The following CCSER1 variants were observed in gnomAD, a reference collection of about 807,000 sequenced individuals.
CCSER1 encodes serine-rich coiled-coil domain-containing protein 1.
Under a neutral mutation model 82.0 loss-of-function variants are expected in CCSER1, and 41 were observed. The observed-to-expected ratio is 0.50, with a 90% CI of 0.39 to 0.65. The LOEUF is 0.65. Among genes scored for constraint, CCSER1 ranks in the 30% least tolerant of loss-of-function variants. The pLI is 0.00. For missense variants in CCSER1, 1,119 were observed against 1,064.2 expected, an observed-to-expected ratio of 1.05 and a Z score of -0.72; for synonymous variants, 414 against 383.9, an observed-to-expected ratio of 1.08 and a Z score of -0.92.
chr4:91,146,847 AG>A (rs1729591709), intron 10 of CCSER1, among the ~76,000 whole-genome samples: 2 of 152,056 alleles, frequency 1.3e-5, no homozygotes, highest in Non-Finnish European at 2.9e-5. Context: ...GAGTAAGGGT[AG>A]GCTCTTAGCT....
intron 4 of CCSER1, among the ~76,000 whole-genome samples, chr4:90,430,754 T>A (rs1166189210): frequency 6.6e-6 from 1 of 151,894 alleles, no homozygotes; most frequent in African/African-American, 2.4e-5. Context: ...AGAAAAAAGT[T>A]GACAACAGAT....
intron 1 of CCSER1, among the ~76,000 whole-genome samples, chr4:90,188,936 G>A (rs753009357): frequency 6.6e-6 from 1 of 152,054 alleles, no homozygotes; most frequent in South Asian, 2.1e-4. Flanking sequence ...GTAACTAATG[G>A]CAAGAGAAGT....
intron 1 of CCSER1, among the ~76,000 whole-genome samples, chr4:90,288,724 A>G (rs964539468): frequency 6.6e-6 from 1 of 152,026 alleles, no homozygotes; most frequent in East Asian, 1.9e-4. Flanking sequence ...TCAATTCTCA[A>G]TTTTTATTTG....
intron 10 of CCSER1, among the ~76,000 whole-genome samples, chr4:91,442,380 G>T (rs1190959714): frequency 3.8e-4 from 58 of 151,420 alleles, no homozygotes; most frequent in African/African-American, 1.3e-3. Flanking sequence ...GAAAGGATTC[G>T]CTATTTAATA....
chr4:91,431,271 T>TA (rs892436199), intron 10 of CCSER1, among the ~76,000 whole-genome samples: 12 of 152,146 alleles, frequency 7.9e-5, no homozygotes, highest in Middle Eastern at 6.8e-3. Flanking sequence ...AAAACAAACA[T>TA]AAAAAATTGG....
At chr4:90,393,136 C>A (rs924562407) in intron 3 of CCSER1, among the ~76,000 whole-genome samples, 2 of 152,080 alleles carry the variant, frequency 1.3e-5, no homozygotes, top group Non-Finnish European at 2.9e-5. Flanking sequence ...CATTTTTTTG[C>A]AATTTATAAT....
chr4:91,123,323 C>T (rs1727246631), intron 10 of CCSER1, among the ~76,000 whole-genome samples: 1 of 151,518 alleles, frequency 6.6e-6, no homozygotes, highest in Non-Finnish European at 1.5e-5. Context: ...ATAAGAAATA[C>T]AAAAGAATCA....
At chr4:90,145,506 C>G (rs1489285967) in intron 1 of CCSER1, among the ~76,000 whole-genome samples, 1 of 152,114 alleles carries the variant, frequency 6.6e-6, no homozygotes, top group African/African-American at 2.4e-5. Flanking sequence ...TAGGCTTGGG[C>G]TGACTCACCG....
chr4:90,688,153 G>A (rs914470322), intron 6 of CCSER1, among the ~76,000 whole-genome samples: 9 of 152,116 alleles, frequency 5.9e-5, no homozygotes, highest in East Asian at 1.9e-4. Flanking sequence ...CCTAGGCCAC[G>A]TGTTAAGGAC....
chr4:90,946,316 A>G (rs1227391729), intron 9 of CCSER1, among the ~76,000 whole-genome samples: 3 of 152,210 alleles, frequency 2.0e-5, no homozygotes, highest in Non-Finnish European at 4.4e-5. Context: ...AAACTCAAGA[A>G]AGATTGTAAT....
At chr4:90,533,010 G>A (rs1037936995) in intron 5 of CCSER1, among the ~76,000 whole-genome samples, 1 of 151,474 alleles carries the variant, frequency 6.6e-6, no homozygotes, top group Admixed American at 6.6e-5. Context: ...CAGGGTTGAG[G>A]GTCTCCTATT....
chr4:90,719,427 C>T (rs145548290), intron 6 of CCSER1, among the ~76,000 whole-genome samples: 1 of 152,064 alleles, frequency 6.6e-6, no homozygotes, highest in African/African-American at 2.4e-5. Context: ...ATAGAAATAA[C>T]GTGCACAATA....
intron 10 of CCSER1, among the ~76,000 whole-genome samples, chr4:91,330,540 G>C (rs1195425599): frequency 6.6e-6 from 1 of 152,106 alleles, no homozygotes; most frequent in Non-Finnish European, 1.5e-5. Flanking sequence ...GCTGAGCTAA[G>C]TGAGGGCTTG....
intron 5 of CCSER1, among the ~76,000 whole-genome samples, chr4:90,597,022 T>C (rs1225409399): frequency 6.6e-6 from 1 of 152,112 alleles, no homozygotes; most frequent in African/African-American, 2.4e-5. Flanking sequence ...TTCTCAGTCA[T>C]GATTAGTTAG....
intron 10 of CCSER1, among the ~76,000 whole-genome samples, chr4:91,355,612 A>G (rs1428479233): frequency 6.6e-6 from 1 of 152,190 alleles, no homozygotes; most frequent in African/African-American, 2.4e-5. Flanking sequence ...GACGAAGGTT[A>G]GTTGACGTCC....
rs193273898 is a variant in CCSER1, at chr4:90,349,541, T to C, written c.1509+36494T>C. On this transcript the variant is annotated intron_variant, in intron 3 of 10. Coordinates refer to ENST00000509176, the MANE Select transcript of CCSER1 (RefSeq NM_001145065.2). ...TCAGAATGGCATGTTCTTATTTTTTTGTATTCCATTCACCTTGTATATACT... is the reference window on the plus strand; with the variant it reads ...TCAGAATGGCATGTTCTTATTTTTTCGTATTCCATTCACCTTGTATATACT... Among the ~76,000 whole-genome samples, 412 of 152,234 alleles carry C rather than the reference T, an allele frequency of 2.7e-3. 3 individuals carry two copies. Among genetic ancestry groups the C allele is most frequent in the African/African-American group, 9.4e-3 (389 of 41,572 alleles).
intron 3 of CCSER1, among the ~76,000 whole-genome samples, chr4:90,393,120 A>G (rs1751447724): frequency 6.6e-6 from 1 of 152,114 alleles, no homozygotes; most frequent in African/African-American, 2.4e-5. Context: ...TCACTTGTAC[A>G]TCTCTCATTT....
At chr4:90,854,045 T>G (rs1030010535) in intron 8 of CCSER1, among the ~76,000 whole-genome samples, 4 of 152,292 alleles carry the variant, frequency 2.6e-5, no homozygotes, top group South Asian at 2.1e-4. Context: ...TACAGTGAAT[T>G]TGAATTATCA....
chr4:90,832,849 C>T (rs1436231974), intron 8 of CCSER1, among the ~76,000 whole-genome samples: 1 of 152,036 alleles, frequency 6.6e-6, no homozygotes, highest in Non-Finnish European at 1.5e-5. Context: ...AGAAAAATTA[C>T]TAAGCTTACT....
Sources: gnomAD v4.1 joint callset for allele counts (sites outside exome capture counted in the v4.1 genomes callset) on GRCh38, gnomAD v4.1.1 for gene constraint, MANE v1.5 for transcripts, NCBI Gene and HGNC (gene_info 2026-07-23, HGNC 2026-07-21) for gene names.